TBC1D22A: variants seen among roughly 807,000 people sequenced by gnomAD.
The protein encoded by TBC1D22A is TBC1 domain family member 22A.
A neutral mutation model predicts 60.2 loss-of-function variants in TBC1D22A; 38 were observed. That is an observed-to-expected ratio of 0.63 (90% CI 0.49 to 0.83). TBC1D22A has a LOEUF of 0.83. Among genes scored for constraint, TBC1D22A ranks in the 40% least tolerant of loss-of-function variants. The pLI, the probability that TBC1D22A is intolerant of heterozygous loss-of-function variation, is 0.00. For synonymous variants in TBC1D22A, 302 were observed against 281.7 expected (o/e 1.07, Z -0.72); for missense variants, 628 against 701.0 (o/e 0.90, Z 1.18).
chr22:46,815,894 C>T (rs574475319), intron 4 of TBC1D22A, among the ~76,000 whole-genome samples: 34 of 151,874 alleles, frequency 2.2e-4, no homozygotes, highest in East Asian at 3.9e-4. Context: ...GCTGGTGGGT[C>T]GGGGGTGAGT....
intron 8 of TBC1D22A, among the ~76,000 whole-genome samples, chr22:46,961,022 A>T (rs1431402783): frequency 3.8e-5 from 3 of 78,240 alleles, no homozygotes; most frequent in Non-Finnish European, 8.9e-5. Context: ...GAGACAAGAA[A>T]AAAAAAAAAC....
At chr22:46,842,943 G>A (rs1337635546) in intron 4 of TBC1D22A, among the ~76,000 whole-genome samples, 3 of 152,252 alleles carry the variant, frequency 2.0e-5, no homozygotes, top group Admixed American at 6.5e-5. Context: ...TGTTCATGAG[G>A]AGATGGAAGG....
intron 1 of TBC1D22A, among the ~76,000 whole-genome samples, chr22:46,785,199 T>C (rs1228740121): frequency 1.3e-5 from 2 of 152,174 alleles, no homozygotes; most frequent in Non-Finnish European, 2.9e-5. Context: ...CTAGGAAGAC[T>C]CGAGGGCTGG....
intron 11 of TBC1D22A, among the ~76,000 whole-genome samples, chr22:47,042,636 G>A (rs185341644): frequency 4.5e-4 from 68 of 152,312 alleles, no homozygotes; most frequent in African/African-American, 1.6e-3. Flanking sequence ...GGGGCATGGG[G>A]CAGAGGTCAG....
At chr22:47,032,157 G>A (rs916047343) in intron 10 of TBC1D22A, among the ~76,000 whole-genome samples, 11 of 152,182 alleles carry the variant, frequency 7.2e-5, no homozygotes, top group Non-Finnish European at 1.2e-4. Context: ...GGTGAGCCAC[G>A]GCTCCTCTTC....
chr22:46,901,624 A>G (rs1245107243), intron 7 of TBC1D22A, among the ~76,000 whole-genome samples: 3 of 152,172 alleles, frequency 2.0e-5, no homozygotes, highest in Non-Finnish European at 4.4e-5. Context: ...TGTGGATTTT[A>G]TGTGATATAT....
At chr22:46,980,651 C>T (rs1212999342) in intron 9 of TBC1D22A, among the ~76,000 whole-genome samples, 5 of 147,364 alleles carry the variant, frequency 3.4e-5, no homozygotes, top group African/African-American at 1.3e-4. Context: ...AAAATATGGG[C>T]AGATTAAGAC....
chr22:46,855,472 G>A (rs2087521408), intron 4 of TBC1D22A, among the ~76,000 whole-genome samples: 1 of 152,204 alleles, frequency 6.6e-6, no homozygotes, highest in African/African-American at 2.4e-5. Flanking sequence ...TGTGGTTGGG[G>A]TTCAGAGGGG....
At chr22:46,835,111 C>T (rs940153767) in intron 4 of TBC1D22A, among the ~76,000 whole-genome samples, 4 of 152,206 alleles carry the variant, frequency 2.6e-5, no homozygotes, top group Admixed American at 2.0e-4. Flanking sequence ...CCCAGAATTC[C>T]TAGTCAGGCT....
chr22:47,117,670 G>A (rs978869015), intron 12 of TBC1D22A, among the ~76,000 whole-genome samples: 1 of 152,246 alleles, frequency 6.6e-6, no homozygotes, highest in African/African-American at 2.4e-5. Flanking sequence ...GAGCACAGGA[G>A]CCCAGCGCCA....
chr22:46,854,908 A>G (rs1569134874), intron 4 of TBC1D22A, among the ~76,000 whole-genome samples: 3 of 152,236 alleles, frequency 2.0e-5, no homozygotes, highest in South Asian at 4.1e-4. Context: ...TCTGCCTAAT[A>G]CTTGTGAACA....
intron 4 of TBC1D22A, among the ~76,000 whole-genome samples, chr22:46,835,339 A>G (rs9712812): frequency 6.6e-6 from 1 of 152,244 alleles, no homozygotes; most frequent in Non-Finnish European, 1.5e-5. Flanking sequence ...AAAACAGACA[A>G]CTCAACAAAA....
intron 11 of TBC1D22A, among the ~76,000 whole-genome samples, chr22:47,079,150 G>A (rs923254316): frequency 6.8e-5 from 10 of 146,274 alleles, no homozygotes; most frequent in Admixed American, 1.4e-4. Flanking sequence ...GCAGTGGCAC[G>A]ATCTTGGCTC....
At chr22:46,802,461 A>T (rs1171460386) in intron 4 of TBC1D22A, among the ~76,000 whole-genome samples, 1 of 152,172 alleles carries the variant, frequency 6.6e-6, no homozygotes, top group Non-Finnish European at 1.5e-5. Flanking sequence ...CAGAGGTGCA[A>T]AGGTCCTGCG....
intron 12 of TBC1D22A, among the ~76,000 whole-genome samples, chr22:47,159,513 C>T (rs964583118): frequency 6.6e-6 from 1 of 151,780 alleles, no homozygotes; most frequent in African/African-American, 2.4e-5. Context: ...CATGCATACT[C>T]ACCATGTTTA....
intron 10 of TBC1D22A, among the ~76,000 whole-genome samples, chr22:47,011,652 T>A (rs1212831767): frequency 6.6e-6 from 1 of 152,214 alleles, no homozygotes; most frequent in Non-Finnish European, 1.5e-5. Context: ...GACACTCCCC[T>A]GCTTAAAGAG....
intron 12 of TBC1D22A, among the ~76,000 whole-genome samples, chr22:47,119,973 C>T (rs1465456219): frequency 6.6e-6 from 1 of 152,138 alleles, no homozygotes; most frequent in Non-Finnish European, 1.5e-5. Flanking sequence ...CTTCACGGCA[C>T]CCATCCCATT....
At chr22:46,867,183 G>A (rs2067096191) in intron 4 of TBC1D22A, among the ~76,000 whole-genome samples, 1 of 152,184 alleles carries the variant, frequency 6.6e-6, no homozygotes, top group African/African-American at 2.4e-5. Flanking sequence ...ACTTTCTTGG[G>A]CAGCACGTTA....
chr22:46,909,670 G>T (rs775144876), intron 7 of TBC1D22A, among the ~76,000 whole-genome samples: 9 of 152,044 alleles, frequency 5.9e-5, no homozygotes, highest in Non-Finnish European at 1.0e-4. Flanking sequence ...TCCTGTTCTT[G>T]TGTGGCCCCT....
Sources: gnomAD v4.1 joint callset for allele counts (sites outside exome capture counted in the v4.1 genomes callset) on GRCh38, gnomAD v4.1.1 for gene constraint, MANE v1.5 for transcripts, NCBI Gene and HGNC (gene_info 2026-07-23, HGNC 2026-07-21) for gene names.